The following TBX19 variants were observed in gnomAD, a reference collection of about 807,000 sequenced individuals.
TBX19 encodes T-box transcription factor TBX19.
TBX19 carries 33 observed loss-of-function variants against 40.9 expected under a neutral mutation model. The observed-to-expected ratio is 0.81, with a 90% CI of 0.61 to 1.08. The LOEUF is 1.08. Among genes scored for constraint, TBX19 ranks in the 50% least tolerant of loss-of-function variants. TBX19 has a pLI of 0.00. For missense variants in TBX19, 494 were observed against 574.0 expected (o/e 0.86, Z 1.42); for synonymous variants, 220 against 225.0 (o/e 0.98, Z 0.20).
At chr1:168,308,920 G>T (rs761899330) in intron 7 of TBX19, 43 bp downstream of exon 7, 2 of 1,613,832 alleles carry the variant, frequency 1.2e-6, no homozygotes, top group Non-Finnish European at 1.7e-6. Flanking sequence ...CGTCTTGGGG[G>T]TTTACTTTAG....
chr1:168,311,516 A>G (rs767171993), intron 7 of TBX19, among the ~76,000 whole-genome samples: 1 of 152,198 alleles, frequency 6.6e-6, no homozygotes, highest in African/African-American at 2.4e-5. Context: ...TGAAGGTTTC[A>G]TATGGTCCAA....
intron 1 of TBX19, among the ~76,000 whole-genome samples, chr1:168,283,200 C>T (rs10800349): frequency 2.0e-5 from 3 of 152,146 alleles, no homozygotes; most frequent in African/African-American, 2.4e-5. Flanking sequence ...TCATCTTTAA[C>T]GTCATTTAAT....
intron 6 of TBX19, 143 bp downstream of exon 6, chr1:168,305,339 G>A: frequency 1.3e-6 from 1 of 755,474 alleles, no homozygotes; most frequent in Non-Finnish European, 2.2e-6. Flanking sequence ...TTGTTTTTGT[G>A]TTTTATTTTA....
intron 1 of TBX19, among the ~76,000 whole-genome samples, chr1:168,283,896 A>G (rs944747142): frequency 3.3e-5 from 5 of 152,226 alleles, no homozygotes; most frequent in Admixed American, 3.3e-4. Flanking sequence ...AAATCTTGAA[A>G]TAGCGTAAGA....
At chr1:168,301,328 T>C (rs939963839) in intron 5 of TBX19, among the ~76,000 whole-genome samples, 1 of 151,854 alleles carries the variant, frequency 6.6e-6, no homozygotes, top group African/African-American at 2.4e-5. Flanking sequence ...AATGGCCCAG[T>C]CTTGGCTCAC....
chr1:168,287,180 A>G (rs922579292), intron 1 of TBX19, among the ~76,000 whole-genome samples: 3 of 152,232 alleles, frequency 2.0e-5, no homozygotes, highest in Admixed American at 1.3e-4. Context: ...AGTGAGGATA[A>G]TAATTGGAAT....
At position 168,281,239 on chromosome 1, in the gene TBX19, T is replaced by C. The variant is rs779718152; in HGVS notation, c.149T>C (p.Leu50Pro). 3.1e-6 allele frequency: 5 copies of C among 1,614,148 alleles called. No individual in the cohort carries two copies. Among genetic ancestry groups the C allele is most frequent in the Non-Finnish European group, 4.2e-6 (5 of 1,180,008 alleles). ...CAGATCATCCTGGAGGATGCACCTC[T>C]CTGGCAGAGATTCAAGGAAGTCACT... ...QLQIILEDAP[L>P]WQRFKEVTNE... Residue 50 changes from leucine to proline, a missense_variant, in exon 1 of 8, where the codon CTC (leucine) becomes CCC (proline). Leu to Pro is a moderately conservative substitution (Grantham distance 98). This residue lies in a region of TBX19 where 201 missense variants were observed against 235.2 expected (regional missense o/e 0.85). Coordinates refer to ENST00000367821, the MANE Select transcript of TBX19 (RefSeq NM_005149.3).
intron 2 of TBX19, among the ~76,000 whole-genome samples, chr1:168,292,759 G>A (rs1648974054): frequency 6.6e-6 from 1 of 151,674 alleles, no homozygotes; most frequent in African/African-American, 2.4e-5. Context: ...AGCTACTCGG[G>A]AGGCTGAGGC....
chr1:168,292,757 G>C (rs1232033444), intron 2 of TBX19, among the ~76,000 whole-genome samples: 2 of 151,690 alleles, frequency 1.3e-5, no homozygotes, highest in Non-Finnish European at 2.9e-5. Flanking sequence ...CCAGCTACTC[G>C]GGAGGCTGAG....
intron 1 of TBX19, among the ~76,000 whole-genome samples, chr1:168,284,381 A>T (rs903639285): frequency 6.6e-6 from 1 of 152,158 alleles, no homozygotes; most frequent in Non-Finnish European, 1.5e-5. Flanking sequence ...AGAGGTTAAT[A>T]AATTAAATTG....
chr1:168,298,415 C>T (rs1056731098), intron 4 of TBX19, among the ~76,000 whole-genome samples: 1 of 151,852 alleles, frequency 6.6e-6, no homozygotes, highest in South Asian at 2.1e-4. Flanking sequence ...TGCCTTTTTC[C>T]TAATTACTTC....
intron 3 of TBX19, among the ~76,000 whole-genome samples, chr1:168,294,502 T>A (rs1315249858): frequency 6.6e-6 from 1 of 151,408 alleles, no homozygotes; most frequent in East Asian, 1.9e-4. Flanking sequence ...CCTGGCTAAT[T>A]TTTTTTTGTT....
chr1:168,291,546 G>A, intron 2 of TBX19, 122 bp downstream of exon 2: 1 of 1,392,870 alleles, frequency 7.2e-7, no homozygotes, highest in Non-Finnish European at 1.0e-6. Context: ...TCCCACAGAA[G>A]CCAATTATTC....
Position 168,297,535 on chromosome 1 carries a change from C to T in TBX19, c.604-189C>T, listed in dbSNP as rs1203167311. On this transcript the variant is annotated intron_variant, in intron 3 of 7. Coordinates refer to ENST00000367821, the MANE Select transcript of TBX19 (RefSeq NM_005149.3). ...GAGACAGCGCAGTGGTGATTAAGTG[C>T]TGGAGTAAGCAAAGATGGAAAGGGC... The T allele has an allele frequency of 7.2e-6, 5 of 692,058 alleles. No homozygotes were observed. In the Admixed American group the frequency reaches 1.0e-4, roughly 14 times the overall value. 42.9% of individuals were successfully genotyped at this position (692,058 alleles called of 1,614,324 possible).
At chr1:168,298,821 T>TCCCTCCC (rs1491344091) in intron 4 of TBX19, among the ~76,000 whole-genome samples, 4 of 13,654 alleles carry the variant, frequency 2.9e-4, no homozygotes, top group South Asian at 5.1e-3. Flanking sequence ...CTCCCTCCCT[T>TCCCTCCC]CCTTTCTTTC....
chr1:168,311,756 C>T (rs904597864), intron 7 of TBX19, among the ~76,000 whole-genome samples: 3 of 152,114 alleles, frequency 2.0e-5, no homozygotes, highest in Non-Finnish European at 2.9e-5. Flanking sequence ...GACTACAGGC[C>T]GAAAACATTG....
rs759786679 is a variant in TBX19 at position 168,297,761 on chromosome 1, A to G, written c.641A>G (p.Lys214Arg). The change falls in exon 4 of 8, where the codon AAA becomes AGA. Residue 214 changes from lysine (K) to arginine (R), a missense_variant. Coordinates refer to ENST00000367821, the MANE Select transcript of TBX19 (RefSeq NM_005149.3). ...AAAATCAAGTACAATCCTTTTGCCA[A>G]AGCCTTCTTGGATGCCAAGGAAAGG... Reference protein sequence around the residue: ...ALKIKYNPFAKAFLDAKERNH... With the variant: ...ALKIKYNPFARAFLDAKERNH... 2.5e-6 allele frequency: 4 copies of G among 1,614,222 alleles called. No homozygotes were observed. Among genetic ancestry groups the G allele is most frequent in the Non-Finnish European group, 3.4e-6 (4 of 1,180,026 alleles).
chr1:168,281,394 G>C, intron 1 of TBX19, 101 bp downstream of exon 1: 1 of 1,108,664 alleles, frequency 9.0e-7, no homozygotes, highest in Non-Finnish European at 1.4e-6. Context: ...CAGAGGCGGC[G>C]GGATCTGATT....
chr1:168,298,845 T>C (rs574256388), intron 4 of TBX19, among the ~76,000 whole-genome samples: 1,150 of 76,140 alleles, frequency 0.015, 236 homozygotes, highest in African/African-American at 0.061. Context: ...CTTTCTTTCT[T>C]TCTTTCTTTC....
Sources: allele counts gnomAD v4.1 joint callset (sites outside exome capture counted in the v4.1 genomes callset), GRCh38; gene constraint gnomAD v4.1.1; regional missense constraint gnomAD v4.1.1; transcripts MANE v1.5; gene names NCBI Gene and HGNC (gene_info 2026-07-23, HGNC 2026-07-21).